Variants in SCFD2 observed in about 807,000 individuals in gnomAD.
The protein encoded by SCFD2 is sec1 family domain-containing protein 2.
A neutral mutation model predicts 58.9 loss-of-function variants in SCFD2; 54 were observed. The ratio of observed to expected loss-of-function variants is 0.92; its 90% confidence interval spans 0.74 to 1.15. The LOEUF is 1.15. Ranked by LOEUF, SCFD2 falls within the 50% of genes most tolerant of loss-of-function variation. The pLI, the probability that SCFD2 is intolerant of heterozygous loss-of-function variation, is 0.00. For synonymous variants in SCFD2, 321 were observed against 335.9 expected, an observed-to-expected ratio of 0.96 and a Z score of 0.49; for missense variants, 805 against 836.6, an observed-to-expected ratio of 0.96 and a Z score of 0.47.
chr4:52,940,359 T>C (rs898914026), intron 5 of SCFD2, among the ~76,000 whole-genome samples: 5 of 152,056 alleles, frequency 3.3e-5, no homozygotes, highest in African/African-American at 1.2e-4. Flanking sequence ...CCCTCCCACA[T>C]GGAAATTAAG....
chr4:53,208,486 T>C lies in SCFD2; in HGVS notation c.1312-62904A>G, dbSNP rs562055936. ...GTGACAATGTTATTATAGTTTCTCC[T>C]ATTTTGTAGAAAAAGACCTCATAGT... On this transcript the variant is annotated intron_variant, in intron 4 of 8. Transcript: ENST00000401642. 2.0e-5 allele frequency among the ~76,000 whole-genome samples: 3 copies of C among 152,322 alleles called. 1 individual carries two copies. The highest frequency in any genetic ancestry group is 7.2e-5 in the African/African-American group (3 of 41,556).
chr4:53,035,367 A>G (rs1449265964), intron 5 of SCFD2, among the ~76,000 whole-genome samples: 2 of 152,214 alleles, frequency 1.3e-5, no homozygotes, highest in Non-Finnish European at 2.9e-5. Flanking sequence ...AGGACCATAA[A>G]AATCCTAGGA....
chr4:52,907,908 T>C (rs1048323131), intron 6 of SCFD2, among the ~76,000 whole-genome samples: 2 of 152,208 alleles, frequency 1.3e-5, no homozygotes, highest in African/African-American at 4.8e-5. Flanking sequence ...CAATTTTATG[T>C]ATACTGAGAA....
chr4:53,323,640 G>A (rs568570538), intron 2 of SCFD2, among the ~76,000 whole-genome samples: 30 of 147,452 alleles, frequency 2.0e-4, no homozygotes, highest in South Asian at 1.6e-3. Flanking sequence ...TCAGCCTCCC[G>A]AAATACTGGG....
At chr4:53,046,093 G>A (rs1445527041) in intron 5 of SCFD2, among the ~76,000 whole-genome samples, 1 of 152,070 alleles carries the variant, frequency 6.6e-6, no homozygotes, top group Admixed American at 6.6e-5. Flanking sequence ...AATATTTTCA[G>A]CTTAGTTTTC....
intron 4 of SCFD2, among the ~76,000 whole-genome samples, chr4:53,248,511 T>A (rs1345833033): frequency 6.6e-6 from 1 of 152,202 alleles, no homozygotes; most frequent in Non-Finnish European, 1.5e-5. Context: ...CTCTGCAGAC[T>A]TAAATGTCCC....
chr4:52,968,675 A>T (rs1236510921), intron 5 of SCFD2, among the ~76,000 whole-genome samples: 1 of 152,198 alleles, frequency 6.6e-6, no homozygotes, highest in Admixed American at 6.5e-5. Context: ...CTATCACTGC[A>T]AGACAGAATT....
At chr4:53,009,411 T>C (rs1254948709) in intron 5 of SCFD2, among the ~76,000 whole-genome samples, 2 of 152,198 alleles carry the variant, frequency 1.3e-5, no homozygotes, top group African/African-American at 2.4e-5. Flanking sequence ...TGAGATCTTT[T>C]AATATCAAAT....
chr4:52,963,510 A>T (rs1466519953), intron 5 of SCFD2, among the ~76,000 whole-genome samples: 1 of 152,198 alleles, frequency 6.6e-6, no homozygotes, highest in Non-Finnish European at 1.5e-5. Flanking sequence ...GAATATTTTT[A>T]ACTTGATGTT....
At chr4:53,346,190 A>T (rs1478669013) in intron 2 of SCFD2, among the ~76,000 whole-genome samples, 1 of 152,156 alleles carries the variant, frequency 6.6e-6, no homozygotes, top group Non-Finnish European at 1.5e-5. Context: ...AATAGTAGAC[A>T]ATGACTGAAG....
intron 4 of SCFD2, among the ~76,000 whole-genome samples, chr4:53,206,432 T>C (rs537872952): frequency 1.3e-4 from 20 of 152,288 alleles, no homozygotes; most frequent in Non-Finnish European, 2.6e-4. Flanking sequence ...ACTTTGAATG[T>C]ACAAAGCTTA....
intron 2 of SCFD2, among the ~76,000 whole-genome samples, chr4:53,340,315 C>G (rs2149144882): frequency 6.6e-6 from 1 of 152,344 alleles, no homozygotes; most frequent in Non-Finnish European, 1.5e-5. Context: ...GAGATAACAT[C>G]TCGCGACTGG....
intron 8 of SCFD2, among the ~76,000 whole-genome samples, chr4:52,877,772 C>T (rs1718512690): frequency 6.6e-6 from 1 of 152,064 alleles, no homozygotes; most frequent in Non-Finnish European, 1.5e-5. Flanking sequence ...AGCCAGTGAC[C>T]CCAAGTGTGA....
chr4:53,158,023 T>TCCA (rs1726740881), intron 4 of SCFD2, among the ~76,000 whole-genome samples: 1 of 152,200 alleles, frequency 6.6e-6, no homozygotes, highest in Non-Finnish European at 1.5e-5. Flanking sequence ...ACTTCCAGGT[T>TCCA]GATGTCAATG....
chr4:53,088,853 A>C (rs887950224), intron 5 of SCFD2, among the ~76,000 whole-genome samples: 8 of 152,136 alleles, frequency 5.3e-5, no homozygotes, highest in African/African-American at 1.9e-4. Context: ...TATGGATTGA[A>C]TATGTATCCC....
intron 4 of SCFD2, among the ~76,000 whole-genome samples, chr4:53,201,327 A>C (rs1188295375): frequency 3.3e-5 from 5 of 152,214 alleles, no homozygotes; most frequent in Admixed American, 2.6e-4. Flanking sequence ...TTCCAGCTTC[A>C]TCCATGTCCC....
intron 5 of SCFD2, among the ~76,000 whole-genome samples, chr4:53,050,360 A>C (rs1173639572): frequency 2.0e-5 from 3 of 152,220 alleles, no homozygotes; most frequent in Non-Finnish European, 4.4e-5. Flanking sequence ...CACCAGCAAC[A>C]GTCTGGCTAA....
intron 7 of SCFD2, among the ~76,000 whole-genome samples, chr4:52,900,856 C>G (rs539608295): frequency 3.9e-5 from 6 of 152,320 alleles, no homozygotes; most frequent in Middle Eastern, 3.4e-3. Flanking sequence ...ACCCCTCCCC[C>G]AGCCTCGCTG....
intron 5 of SCFD2, among the ~76,000 whole-genome samples, chr4:53,017,162 T>C (rs920636990): frequency 6.6e-6 from 1 of 152,156 alleles, no homozygotes; most frequent in African/African-American, 2.4e-5. Context: ...GTAATCATAT[T>C]TGGGTGGGCA....
Sources: gnomAD v4.1 joint callset for allele counts (sites outside exome capture counted in the v4.1 genomes callset) on GRCh38, gnomAD v4.1.1 for gene constraint, MANE v1.5 for transcripts, NCBI Gene and HGNC (gene_info 2026-07-23, HGNC 2026-07-21) for gene names.